ERBB4: variants seen among roughly 807,000 people sequenced by gnomAD.
ERBB4 encodes the protein erb-b2 receptor tyrosine kinase 4.
ERBB4 carries 42 observed loss-of-function variants against 158.0 expected under a neutral mutation model. The observed-to-expected ratio is 0.27, with a 90% CI of 0.21 to 0.34. The LOEUF is 0.34. Among genes scored for constraint, ERBB4 ranks in the 10% least tolerant of loss-of-function variants. The probability of loss-of-function intolerance (pLI) is 1.00; values close to 1 mark genes in which losing one functional copy is unlikely to be tolerated. For missense variants in ERBB4, 1,333 were observed against 1,624.1 expected (o/e 0.82, Z 3.08); for synonymous variants, 583 against 558.7 (o/e 1.04, Z -0.61).
At chr2:211,795,677 G>A (rs1436293957) in intron 3 of ERBB4, among the ~76,000 whole-genome samples, 1 of 151,556 alleles carries the variant, frequency 6.6e-6, no homozygotes, top group East Asian at 1.9e-4. Flanking sequence ...AAAAGACGGA[G>A]AAAATCATGA....
intron 1 of ERBB4, among the ~76,000 whole-genome samples, chr2:212,298,026 T>C (rs891987462): frequency 2.2e-4 from 33 of 151,844 alleles, no homozygotes; most frequent in Non-Finnish European, 2.7e-4. Flanking sequence ...GCTTTAATTA[T>C]GTTTTGTTTG....
intron 1 of ERBB4, among the ~76,000 whole-genome samples, chr2:212,515,706 A>G (rs1307444654): frequency 6.6e-6 from 1 of 151,992 alleles, no homozygotes; most frequent in Non-Finnish European, 1.5e-5. Context: ...TTTTAAAAAA[A>G]CAAAAAAAAT....
intron 1 of ERBB4, among the ~76,000 whole-genome samples, chr2:212,325,835 G>A (rs78918747): frequency 6.6e-6 from 1 of 150,492 alleles, no homozygotes; most frequent in Admixed American, 6.6e-5. Flanking sequence ...GGGGAGAGGT[G>A]TATACTGACA....
chr2:211,928,998 TC>T (rs2080095676), intron 3 of ERBB4, among the ~76,000 whole-genome samples: 1 of 152,124 alleles, frequency 6.6e-6, no homozygotes, highest in Non-Finnish European at 1.5e-5. Flanking sequence ...TATATATGTC[TC>T]CTAATAGTTT....
intron 20 of ERBB4, among the ~76,000 whole-genome samples, chr2:211,528,914 C>G (rs1474723191): frequency 6.6e-6 from 1 of 151,490 alleles, no homozygotes; most frequent in East Asian, 1.9e-4. Flanking sequence ...GGCAAAACTT[C>G]AAGAAAATAA....
chr2:212,289,581 G>A (rs2086128865), intron 1 of ERBB4, among the ~76,000 whole-genome samples: 1 of 152,098 alleles, frequency 6.6e-6, no homozygotes, highest in South Asian at 2.1e-4. Flanking sequence ...ACCTGAATGA[G>A]ACAGTTTAAA....
intron 2 of ERBB4, among the ~76,000 whole-genome samples, chr2:211,952,133 C>T (rs562579268): frequency 3.3e-4 from 50 of 151,976 alleles, no homozygotes; most frequent in Non-Finnish European, 6.5e-4. Context: ...ATTCTTATAT[C>T]TAAAAGAAAC....
In ERBB4 at chr2:212,477,917, A is replaced by C. The variant is rs187781113; in HGVS notation, c.82+60532T>G. The stretch of plus-strand genomic sequence containing the variant: ...CTCTTGCAATGTGTGAAAAGAAAGA[A>C]CAGGGAAGTGTTCAGATGTTTACCT... On this transcript the variant is annotated intron_variant, in intron 1 of 27. Coordinates refer to ENST00000342788, the MANE Select transcript of ERBB4 (RefSeq NM_005235.3). Among the ~76,000 whole-genome samples, 9 of 152,260 alleles carry C rather than the reference A, an allele frequency of 5.9e-5. No homozygotes were observed. The East Asian group carries it at 1.7e-3, about 29-fold the overall frequency.
At chr2:211,572,562 C>T (rs2067761977) in intron 19 of ERBB4, among the ~76,000 whole-genome samples, 1 of 152,122 alleles carries the variant, frequency 6.6e-6, no homozygotes, top group Admixed American at 6.6e-5. Flanking sequence ...GAGTTTGGTA[C>T]TTATCCCCCA....
chr2:212,492,062 G>C (rs1690309258), intron 1 of ERBB4, among the ~76,000 whole-genome samples: 1 of 151,436 alleles, frequency 6.6e-6, no homozygotes, highest in Non-Finnish European at 1.5e-5. Context: ...GGAGGATTCA[G>C]TAGCAGAGAA....
At chr2:211,414,230 G>A (rs1036506902) in intron 25 of ERBB4, among the ~76,000 whole-genome samples, 1 of 152,134 alleles carries the variant, frequency 6.6e-6, no homozygotes, top group Admixed American at 6.5e-5. Flanking sequence ...CTGGCGTGGT[G>A]GCTCACGCCT....
chr2:212,176,407 T>C (rs2081664414), intron 1 of ERBB4, among the ~76,000 whole-genome samples: 1 of 151,950 alleles, frequency 6.6e-6, no homozygotes, highest in South Asian at 2.1e-4. Context: ...CAGAGCTTAC[T>C]CACTCTCCAC....
chr2:212,138,940 A>T (rs1197754530), intron 1 of ERBB4, among the ~76,000 whole-genome samples: 1 of 152,148 alleles, frequency 6.6e-6, no homozygotes, highest in Non-Finnish European at 1.5e-5. Context: ...GTTAATAGCT[A>T]ATATTACTAC....
At chr2:211,726,913 C>T (rs1428082853) in intron 5 of ERBB4, among the ~76,000 whole-genome samples, 1 of 152,200 alleles carries the variant, frequency 6.6e-6, no homozygotes, top group Non-Finnish European at 1.5e-5. Flanking sequence ...CTCTGTTTCT[C>T]ACGTCCAGCC....
At chr2:212,178,310 A>AC (rs2081742668) in intron 1 of ERBB4, among the ~76,000 whole-genome samples, 1 of 151,610 alleles carries the variant, frequency 6.6e-6, no homozygotes, top group African/African-American at 2.4e-5. Context: ...TTGGAAAAGC[A>AC]ATTAAGAGGA....
At chr2:212,149,789 A>G (rs2080811442) in intron 1 of ERBB4, among the ~76,000 whole-genome samples, 1 of 152,006 alleles carries the variant, frequency 6.6e-6, no homozygotes, top group Non-Finnish European at 1.5e-5. Flanking sequence ...TGCCCTTAAG[A>G]TTTCTCTATT....
At chr2:211,845,225 ACAAAT>A (rs1274390454) in intron 3 of ERBB4, among the ~76,000 whole-genome samples, 3 of 152,174 alleles carry the variant, frequency 2.0e-5, no homozygotes, top group Admixed American at 1.3e-4. Flanking sequence ...AATACCCTAG[ACAAAT>A]CAAATCAGAA....
intron 20 of ERBB4, among the ~76,000 whole-genome samples, chr2:211,486,682 C>G (rs2065211730): frequency 6.6e-6 from 1 of 152,004 alleles, no homozygotes; most frequent in African/African-American, 2.4e-5. Flanking sequence ...TGACCCTGTG[C>G]AAGCGACACT....
At chr2:211,958,004 G>T (rs1253453302) in intron 2 of ERBB4, among the ~76,000 whole-genome samples, 3 of 152,032 alleles carry the variant, frequency 2.0e-5, no homozygotes, top group African/African-American at 7.2e-5. Context: ...AAAGTTAGAG[G>T]TGACTGATTC....
Sources: allele counts gnomAD v4.1 joint callset (sites outside exome capture counted in the v4.1 genomes callset), GRCh38; gene constraint gnomAD v4.1.1; transcripts MANE v1.5; gene names NCBI Gene and HGNC (gene_info 2026-07-23, HGNC 2026-07-21).